KCNMB2: variants seen among roughly 807,000 people sequenced by gnomAD.
KCNMB2 encodes potassium calcium-activated channel subfamily M regulatory beta subunit 2, also known as calcium-activated potassium channel subunit beta-2.
KCNMB2 carries 9 observed loss-of-function variants against 24.5 expected under a neutral mutation model. The observed-to-expected ratio is 0.37, with a 90% CI of 0.22 to 0.64. The LOEUF (loss-of-function observed/expected upper bound fraction) is 0.64, where lower values mean the gene tolerates loss of function less well. Ranked by LOEUF, KCNMB2 falls within the 30% of genes least tolerant of loss-of-function variation. The probability of loss-of-function intolerance (pLI) is 0.63; values close to 1 mark genes in which losing one functional copy is unlikely to be tolerated. For missense variants in KCNMB2, 226 were observed against 284.3 expected (o/e 0.79, Z 1.47); for synonymous variants, 109 against 104.4 (o/e 1.04, Z -0.27).
chr3:178,564,879 A>G (rs1009828615), intron 1 of KCNMB2, among the ~76,000 whole-genome samples: 2 of 152,212 alleles, frequency 1.3e-5, no homozygotes, highest in Admixed American at 1.3e-4. Flanking sequence ...TCATTGCAGC[A>G]TTATTTGTAA....
At chr3:178,684,337 G>C (rs935326891) in intron 1 of KCNMB2, among the ~76,000 whole-genome samples, 3 of 105,596 alleles carry the variant, frequency 2.8e-5, no homozygotes, top group Non-Finnish European at 5.3e-5. Context: ...TTGCCAGGGT[G>C]GGGGGTGGGA....
intron 1 of KCNMB2, among the ~76,000 whole-genome samples, chr3:178,569,335 T>C (rs973411111): frequency 2.6e-5 from 4 of 152,122 alleles, no homozygotes; most frequent in African/African-American, 7.2e-5. Context: ...GTTAGAAACA[T>C]AGCACATTCT....
chr3:178,577,508 C>A lies in KCNMB2; in HGVS notation c.-68+40797C>A, dbSNP rs190700880. 7.9e-5 allele frequency among the ~76,000 whole-genome samples: 12 copies of A among 152,224 alleles called. No individual in the cohort carries two copies. The East Asian group carries it at 2.3e-3, about 29-fold the overall frequency. ...TCACCAGCAAGGGAACAAAAGTGGA[C>A]AGAGAATGAGTTTGATGAATTGACA... On this transcript the variant is annotated intron_variant, in intron 1 of 4. Transcript: ENST00000452583.
chr3:178,802,687 C>G (rs1348811941), intron 1 of KCNMB2, among the ~76,000 whole-genome samples: 1 of 152,098 alleles, frequency 6.6e-6, no homozygotes, highest in African/African-American at 2.4e-5. Flanking sequence ...GGAGTGAGAT[C>G]CAGGCACCAG....
At chr3:178,540,170 G>A (rs1715569389) in intron 1 of KCNMB2, among the ~76,000 whole-genome samples, 1 of 152,186 alleles carries the variant, frequency 6.6e-6, no homozygotes, top group South Asian at 2.1e-4. Flanking sequence ...TTGCTCAGAA[G>A]AAAAACCTTG....
intron 1 of KCNMB2, among the ~76,000 whole-genome samples, chr3:178,583,014 T>C (rs1305309384): frequency 6.6e-6 from 1 of 152,196 alleles, no homozygotes; most frequent in East Asian, 1.9e-4. Flanking sequence ...CCAATGATAT[T>C]GGTTCTCTTT....
chr3:178,838,526 C>T (rs984258976), intron 4 of KCNMB2, among the ~76,000 whole-genome samples: 3 of 150,632 alleles, frequency 2.0e-5, no homozygotes, highest in Middle Eastern at 3.4e-3. Context: ...ATCAAAGAAA[C>T]TTCCTGCTGT....
chr3:178,541,180 G>A (rs1420128881), intron 1 of KCNMB2, among the ~76,000 whole-genome samples: 1 of 151,624 alleles, frequency 6.6e-6, no homozygotes, highest in Non-Finnish European at 1.5e-5. Context: ...ACAGGAGGGG[G>A]AAAAAAAATC....
At chr3:178,685,277 G>A (rs934600819) in intron 1 of KCNMB2, among the ~76,000 whole-genome samples, 7 of 152,186 alleles carry the variant, frequency 4.6e-5, no homozygotes, top group African/African-American at 1.7e-4. Context: ...GGGACCAGTA[G>A]CTATCAGTAT....
At chr3:178,570,400 A>T (rs901146454) in intron 1 of KCNMB2, among the ~76,000 whole-genome samples, 1 of 152,126 alleles carries the variant, frequency 6.6e-6, no homozygotes, top group African/African-American at 2.4e-5. Flanking sequence ...AAACGTGAAA[A>T]TATTTCAAGA....
In KCNMB2 at chr3:178,629,467, T is replaced by C. The variant is rs544234942; in HGVS notation, c.-68+92756T>C. 2.0e-5 allele frequency among the ~76,000 whole-genome samples: 3 copies of C among 152,216 alleles called. 1 individual carries two copies. The East Asian group carries it at 5.8e-4, about 29-fold the overall frequency. ...TTCAAGAGGAATCAAAGCAGTAGGA[T>C]GTTACTTGGTTGGGGTGAGAATGGG... On this transcript the variant is annotated intron_variant, in intron 1 of 4. Transcript: ENST00000452583.
intron 1 of KCNMB2, among the ~76,000 whole-genome samples, chr3:178,709,582 A>G (rs577911409): frequency 6.6e-6 from 1 of 152,194 alleles, no homozygotes; most frequent in Non-Finnish European, 1.5e-5. Flanking sequence ...CAAACATCAG[A>G]AAGGGCACAT....
chr3:178,715,606 A>C, intron 1 of KCNMB2, among the ~76,000 whole-genome samples: 1 of 152,038 alleles, frequency 6.6e-6, no homozygotes, highest in Non-Finnish European at 1.5e-5. Context: ...TCTGAGTCCT[A>C]CTGTAAATCA....
rs570659300 is a variant in KCNMB2 at position 178,824,108 on chromosome 3, C to T, written c.57-1480C>T. On this transcript the variant is annotated intron_variant, in intron 2 of 4. Coordinates refer to ENST00000452583, the MANE Select transcript of KCNMB2 (RefSeq NM_181361.3). ...CCTTGCAGGAATTCCTGAGCATTGC[C>T]TTCCTACTCAAGCTTCTCATCATCT... Among the ~76,000 whole-genome samples the T allele has an allele frequency of 2.6e-5, 4 of 152,256 alleles. No homozygotes were observed. In the South Asian group the frequency reaches 8.3e-4, roughly 32 times the overall value.
chr3:178,680,717 C>T (rs1056562028), intron 1 of KCNMB2, among the ~76,000 whole-genome samples: 1 of 152,118 alleles, frequency 6.6e-6, no homozygotes, highest in African/African-American at 2.4e-5. Flanking sequence ...TTTGCTCACT[C>T]CTCATTCAAC....
chr3:178,537,878 T>C (rs931764967), intron 1 of KCNMB2, among the ~76,000 whole-genome samples: 4 of 152,226 alleles, frequency 2.6e-5, no homozygotes, highest in African/African-American at 9.6e-5. Flanking sequence ...AGATTGGTTA[T>C]AACGAATGGC....
chr3:178,821,432 G>A (rs1239508326), intron 2 of KCNMB2, among the ~76,000 whole-genome samples: 1 of 151,962 alleles, frequency 6.6e-6, no homozygotes, highest in African/African-American at 2.4e-5. Flanking sequence ...TTACTACTTG[G>A]ACATGCAAAA....
intron 1 of KCNMB2, among the ~76,000 whole-genome samples, chr3:178,757,906 C>T (rs141469875): frequency 2.9e-4 from 21 of 72,108 alleles, no homozygotes; most frequent in Admixed American, 6.9e-4. Context: ...CAAGAGGATA[C>T]ATATATATAT....
intron 1 of KCNMB2, among the ~76,000 whole-genome samples, chr3:178,712,744 C>T (rs1722495054): frequency 1.3e-5 from 2 of 152,312 alleles, no homozygotes; most frequent in Admixed American, 6.5e-5. Flanking sequence ...TTCAGACAGA[C>T]TCCAGAGACT....
Sources: allele counts gnomAD v4.1 joint callset (sites outside exome capture counted in the v4.1 genomes callset), GRCh38; gene constraint gnomAD v4.1.1; transcripts MANE v1.5; gene names NCBI Gene and HGNC (gene_info 2026-07-23, HGNC 2026-07-21).